The following TLN2 variants were observed in gnomAD, a reference collection of about 807,000 sequenced individuals.
TLN2 encodes talin 2.
TLN2 carries 118 observed loss-of-function variants against 294.7 expected under a neutral mutation model. The ratio of observed to expected loss-of-function variants is 0.40; its 90% confidence interval spans 0.34 to 0.47. The LOEUF (loss-of-function observed/expected upper bound fraction) is 0.47, where lower values mean the gene tolerates loss of function less well. TLN2 is among the 20% of genes least tolerant of loss of function. TLN2 has a pLI of 0.84. For synonymous variants in TLN2, 1,431 were observed against 1,304.5 expected, an observed-to-expected ratio of 1.10 and a Z score of -2.09; for missense variants, 3,083 against 3,282.2, an observed-to-expected ratio of 0.94 and a Z score of 1.48.
rs74022613 is a variant in TLN2, at chr15:62,576,509, G to A, written c.-237-13178G>A. On this transcript the variant is annotated intron_variant, in intron 1 of 58. Transcript: ENST00000636159. ...GGGTAGACTGGCCATCTCATCCAAG[G>A]GGCAGGGAGGGAGCGCGAGAATTGC... Among the ~76,000 whole-genome samples, 1,428 of 151,898 alleles carry A rather than the reference G, an allele frequency of 9.4e-3. 15 individuals are homozygous for A. Among genetic ancestry groups the A allele is most frequent in the Middle Eastern group, 0.037 (11 of 294 alleles).
intron 1 of TLN2, among the ~76,000 whole-genome samples, chr15:62,395,032 T>C (rs1157002656): frequency 6.6e-6 from 1 of 152,168 alleles, no homozygotes; most frequent in Non-Finnish European, 1.5e-5. Context: ...TTGTATTTTC[T>C]TTTTACTCTT....
Position 62,755,527 on chromosome 15 carries a change from T to C in TLN2, c.4477-5T>C. 6.2e-7 allele frequency: 1 copy of C among 1,614,038 alleles called. No homozygotes were observed. Among genetic ancestry groups the C allele is most frequent in the Non-Finnish European group, 8.5e-7 (1 of 1,179,924 alleles). ...GTACCCCCAACCTAGCTCCATGCTT[T>C]GTAGGTCCTGTCAGCCGCCACAATT... On this transcript the variant is annotated splice_region_variant and splice_polypyrimidine_tract_variant and intron_variant, in intron 36 of 58. Coordinates refer to ENST00000636159, the MANE Select transcript of TLN2 (RefSeq NM_015059.3).
At chr15:62,755,370 T>G in intron 36 of TLN2, 162 bp from the exon 37 acceptor site, 4 of 805,986 alleles carry the variant, frequency 5.0e-6, no homozygotes, top group African/African-American at 1.8e-5. Context: ...TTTCTTGCCC[T>G]CCTCTTTCTT....
chr15:62,410,679 T>C (rs2033720301), intron 1 of TLN2, among the ~76,000 whole-genome samples: 1 of 152,252 alleles, frequency 6.6e-6, no homozygotes, highest in African/African-American at 2.4e-5. Flanking sequence ...GCGCAGCCTC[T>C]TATCCATTAC....
intron 1 of TLN2, among the ~76,000 whole-genome samples, chr15:62,505,608 G>A (rs1214118466): frequency 3.3e-5 from 5 of 152,082 alleles, no homozygotes; most frequent in Non-Finnish European, 7.4e-5. Context: ...AGTGTTTCCT[G>A]GACTTCTCAG....
intron 51 of TLN2, 41 bp downstream of exon 51, chr15:62,805,826 C>G (rs1567646366): frequency 6.3e-7 from 1 of 1,585,864 alleles, no homozygotes; most frequent in Non-Finnish European, 8.6e-7. Context: ...AGATGATTCT[C>G]TGTCGTGACT....
rs984494050 is a variant in TLN2 at position 62,797,320 on chromosome 15, C to G, written c.6152C>G (p.Ser2051Cys). 1 of 1,613,596 alleles carries G rather than the reference C, an allele frequency of 6.2e-7. No homozygotes were observed. The highest frequency in any genetic ancestry group is 2.2e-5 in the East Asian group (1 of 44,858). Residue 2051 changes from serine (S) to cysteine (C), a missense_variant, in exon 48 of 59, where the codon TCC becomes TGC. Ser to Cys is a moderately radical substitution (Grantham distance 112). Transcript: ENST00000636159. ...GACAAGCTGGCCCAGGCGGCCCAGT[C>G]CTCAGCAGCCACCATCACCCAGCTC... Reference protein sequence around the residue: ...TPDKLAQAAQSSAATITQLAE... With the variant: ...TPDKLAQAAQCSAATITQLAE...
chr15:62,721,579 C>G lies in TLN2; in HGVS notation c.2992-774C>G, dbSNP rs540907819. On this transcript the variant is annotated intron_variant, in intron 25 of 58. Coordinates refer to ENST00000636159, the MANE Select transcript of TLN2 (RefSeq NM_015059.3). ...TGATCTGGCACTTGTTGGAACTTTT[C>G]TAAGTGTAGTTTTATAACATATATA... is the stretch of plus-strand genomic sequence containing the variant. Among the ~76,000 whole-genome samples the G allele has an allele frequency of 1.1e-4, 17 of 152,010 alleles. No individual in the cohort carries two copies. The East Asian group carries it at 3.3e-3, about 29-fold the overall frequency.
intron 3 of TLN2, among the ~76,000 whole-genome samples, chr15:62,628,900 G>T (rs2049526163): frequency 2.0e-5 from 3 of 152,158 alleles, no homozygotes; most frequent in Non-Finnish European, 4.4e-5. Context: ...TTTGATAGTG[G>T]TGCTGGGCAC....
chr15:62,541,392 C>T (rs1357102534), intron 1 of TLN2, among the ~76,000 whole-genome samples: 3 of 152,148 alleles, frequency 2.0e-5, no homozygotes, highest in Non-Finnish European at 1.5e-5. Flanking sequence ...ACTTTCTTGG[C>T]CTATTCTGTT....
rs887724230 is a variant in TLN2 at position 62,653,410 on chromosome 15, A to G, written c.517+96A>G. ...CATATGACCCAGGACAGGACTTTTG[A>G]TTTTTGTTTTTAAAACTCTATTTTA... On this transcript the variant is annotated intron_variant, in intron 7 of 58. Transcript: ENST00000636159. 11 of 1,389,620 alleles carry G rather than the reference A, an allele frequency of 7.9e-6. No homozygotes were observed. The East Asian group carries it at 1.3e-4, about 16-fold the overall frequency. 86.1% of individuals were successfully genotyped at this position (1,389,620 alleles called of 1,614,324 possible).
At chr15:62,746,002 G>C (rs1478896693) in intron 32 of TLN2, among the ~76,000 whole-genome samples, 1 of 151,954 alleles carries the variant, frequency 6.6e-6, no homozygotes, top group African/African-American at 2.4e-5. Flanking sequence ...GTTGGTTTTT[G>C]TCCCAAGTTT....
At chr15:62,712,714 T>C (rs977296922) in intron 22 of TLN2, among the ~76,000 whole-genome samples, 5 of 151,580 alleles carry the variant, frequency 3.3e-5, no homozygotes, top group African/African-American at 9.8e-5. Flanking sequence ...ACAAGGTCAC[T>C]GGTAGGACTC....
At chr15:62,620,553 G>A (rs181248083) in intron 3 of TLN2, among the ~76,000 whole-genome samples, 137 of 145,400 alleles carry the variant, frequency 9.4e-4, no homozygotes, top group Middle Eastern at 3.6e-3. Flanking sequence ...AACACAGCTC[G>A]CTGTAGCCTC....
intron 54 of TLN2, chr15:62,833,016 C>T (rs937686639): frequency 6.6e-6 from 1 of 152,170 alleles, no homozygotes; most frequent in Admixed American, 6.5e-5. Flanking sequence ...GAAAATGAGT[C>T]TGTCTGCAAA....
At chr15:62,580,036 G>A (rs1364661630) in intron 1 of TLN2, among the ~76,000 whole-genome samples, 1 of 152,184 alleles carries the variant, frequency 6.6e-6, no homozygotes, top group Non-Finnish European at 1.5e-5. Context: ...CCCAGGCCAA[G>A]CCAACATGTG....
In TLN2 at chr15:62,844,227, T is replaced by C. The variant is rs1255378473; in HGVS notation, c.*3617T>C. 1 of 152,256 alleles carries C rather than the reference T, an allele frequency of 6.6e-6. No homozygotes were observed. Among genetic ancestry groups the C allele is most frequent in the Non-Finnish European group, 1.5e-5 (1 of 68,180 alleles). 9.4% of individuals were successfully genotyped at this position (152,256 alleles called of 1,614,324 possible). On this transcript the variant is annotated 3_prime_UTR_variant, in exon 59 of 59. Coordinates refer to ENST00000636159, the MANE Select transcript of TLN2 (RefSeq NM_015059.3). Reference sequence around the variant, plus strand: ...GTATCCCCAAGTACCATGTTGAAAATGTCCTCAGTCTGTTGCTCCATCTTT... The same window carrying C: ...GTATCCCCAAGTACCATGTTGAAAACGTCCTCAGTCTGTTGCTCCATCTTT...
intron 1 of TLN2, among the ~76,000 whole-genome samples, chr15:62,505,253 G>T (rs1208141244): frequency 1.3e-5 from 2 of 152,164 alleles, no homozygotes; most frequent in Admixed American, 1.3e-4. Context: ...CACTGTGCTC[G>T]GCCAAAAACA....
intron 54 of TLN2, 125 bp downstream of exon 54, chr15:62,820,735 A>G: frequency 5.4e-6 from 7 of 1,284,418 alleles, no homozygotes; most frequent in Non-Finnish European, 7.4e-6. Flanking sequence ...AGCAAGCAGA[A>G]AACCGGATCT....
Sources: allele counts gnomAD v4.1 joint callset (sites outside exome capture counted in the v4.1 genomes callset), GRCh38; gene constraint gnomAD v4.1.1; transcripts MANE v1.5; gene names NCBI Gene and HGNC (gene_info 2026-07-23, HGNC 2026-07-21).